Variants in TENM4 observed in about 807,000 individuals in gnomAD.
TENM4 encodes teneurin transmembrane protein 4, also known as teneurin-4.
A neutral mutation model predicts 243.3 loss-of-function variants in TENM4; 82 were observed. That is an observed-to-expected ratio of 0.34 (90% confidence interval 0.28 to 0.40). The LOEUF (loss-of-function observed/expected upper bound fraction) is 0.40, where lower values mean the gene tolerates loss of function less well. Ranked by LOEUF, TENM4 falls within the 10% of genes least tolerant of loss-of-function variation. The probability of loss-of-function intolerance (pLI) is 1.00; values close to 1 mark genes in which losing one functional copy is unlikely to be tolerated. For synonymous variants in TENM4, 1,412 were observed against 1,456.3 expected (o/e 0.97, Z 0.69); for missense variants, 3,138 against 3,673.3 (o/e 0.85, Z 3.77).
Position 78,729,511 on chromosome 11 carries a change from C to A in TENM4, c.3271G>T (p.Val1091Leu), listed in dbSNP as rs1164895199. Residue 1091 changes from valine to leucine, a missense_variant, in exon 22 of 34, where the codon GTG becomes TTG. Physicochemically the swap from Val to Leu is conservative, Grantham distance 32. Around this residue, in one of 2 missense-constraint regions of TENM4, gnomAD observed 2,467 missense variants for 3,059.1 expected, o/e 0.81. Transcript: ENST00000278550. Reference sequence around the variant, plus strand: ...CCCTCCACCGCTACCATGAGGTGCACCTTCATGAGGTTGAAGGGGATGGTC... The same window carrying A: ...CCCTCCACCGCTACCATGAGGTGCAACTTCATGAGGTTGAAGGGGATGGTC... ...HPTIPFNLMKVHLMVAVEGRL... is the reference protein window; with the variant it reads ...HPTIPFNLMKLHLMVAVEGRL... 1.2e-6 allele frequency: 2 copies of A among 1,613,896 alleles called. No individual in the cohort carries two copies. The highest frequency in any genetic ancestry group is 3.3e-5 in the Admixed American group (2 of 60,024).
At chr11:79,106,990 C>A (rs966846380) in intron 4 of TENM4, among the ~76,000 whole-genome samples, 5 of 152,168 alleles carry the variant, frequency 3.3e-5, no homozygotes, top group African/African-American at 1.2e-4. Flanking sequence ...TTACTCTGCA[C>A]CTGCCCGGAA....
At chr11:79,145,171 A>G (rs72935330) in intron 4 of TENM4, among the ~76,000 whole-genome samples, 8,394 of 152,184 alleles carry the variant, frequency 0.055, 333 homozygotes, top group Non-Finnish European at 0.078. Flanking sequence ...CTGAAGTTTC[A>G]CTTAATGATG....
intron 1 of TENM4, among the ~76,000 whole-genome samples, chr11:79,348,934 T>C (rs887448403): frequency 5.3e-5 from 8 of 152,190 alleles, no homozygotes; most frequent in African/African-American, 1.9e-4. Flanking sequence ...ACTTGCCCAA[T>C]AAATGATCGT....
intron 1 of TENM4, among the ~76,000 whole-genome samples, chr11:79,352,177 C>T (rs1010500232): frequency 6.6e-6 from 1 of 152,198 alleles, no homozygotes; most frequent in African/African-American, 2.4e-5. Flanking sequence ...GCCAATGTCT[C>T]ACCCTTTCCC....
intron 4 of TENM4, among the ~76,000 whole-genome samples, chr11:79,143,181 T>A (rs1862325848): frequency 6.6e-6 from 1 of 152,134 alleles, no homozygotes; most frequent in Non-Finnish European, 1.5e-5. Context: ...ACTGGCTATA[T>A]ACCCAAAGGA....
chr11:78,689,283 T>C (rs769721206), intron 28 of TENM4, among the ~76,000 whole-genome samples: 1 of 152,216 alleles, frequency 6.6e-6, no homozygotes, highest in Non-Finnish European at 1.5e-5. Flanking sequence ...CGCTCCTCCC[T>C]GGCAGGAGTG....
intron 6 of TENM4, among the ~76,000 whole-genome samples, chr11:78,908,484 G>A (rs956391277): frequency 5.9e-5 from 9 of 152,202 alleles, no homozygotes; most frequent in South Asian, 2.1e-4. Context: ...ACTCTTCAGC[G>A]TTTACAACAG....
chr11:79,283,878 T>G (rs1856202647), intron 2 of TENM4, among the ~76,000 whole-genome samples: 1 of 152,162 alleles, frequency 6.6e-6, no homozygotes, highest in African/African-American at 2.4e-5. Context: ...ACCAGATCAA[T>G]GTACAATCAG....
intron 3 of TENM4, among the ~76,000 whole-genome samples, chr11:79,166,491 G>A (rs1006272466): frequency 1.3e-5 from 2 of 152,212 alleles, no homozygotes; most frequent in Non-Finnish European, 2.9e-5. Context: ...AGATCTGGAA[G>A]CTTAAGAATA....
chr11:78,813,032 C>T (rs1476408857), intron 13 of TENM4, among the ~76,000 whole-genome samples: 3 of 152,140 alleles, frequency 2.0e-5, no homozygotes, highest in African/African-American at 4.8e-5. Flanking sequence ...TGGGACGAGA[C>T]GGTAATTCTT....
intron 3 of TENM4, among the ~76,000 whole-genome samples, chr11:79,171,129 T>A (rs1202052630): frequency 6.6e-6 from 1 of 152,144 alleles, no homozygotes; most frequent in Non-Finnish European, 1.5e-5. Flanking sequence ...TCTCCTATCT[T>A]ACCTGTGAGA....
intron 12 of TENM4, among the ~76,000 whole-genome samples, chr11:78,851,957 C>T (rs749240318): frequency 6.6e-6 from 1 of 152,208 alleles, no homozygotes; most frequent in Non-Finnish European, 1.5e-5. Flanking sequence ...ACAATCCCTG[C>T]CACAGTTCAC....
At chr11:78,764,516 G>GA (rs1856500140) in intron 18 of TENM4, among the ~76,000 whole-genome samples, 1 of 152,228 alleles carries the variant, frequency 6.6e-6, no homozygotes, top group Non-Finnish European at 1.5e-5. Context: ...TTGAATGAAT[G>GA]AATAAATGCA....
intron 16 of TENM4, among the ~76,000 whole-genome samples, chr11:78,783,748 T>C (rs529662077): frequency 1.3e-5 from 2 of 152,346 alleles, no homozygotes; most frequent in African/African-American, 4.8e-5. Context: ...CAAATTCCCT[T>C]TCATTCTGAA....
intron 6 of TENM4, among the ~76,000 whole-genome samples, chr11:79,001,004 CT>C (rs2136702267): frequency 6.6e-6 from 1 of 152,270 alleles, no homozygotes; most frequent in South Asian, 2.1e-4. Context: ...GCACTTCAGC[CT>C]GGGTGACAAA....
At chr11:79,162,439 T>A (rs923862032) in intron 3 of TENM4, among the ~76,000 whole-genome samples, 1 of 151,086 alleles carries the variant, frequency 6.6e-6, no homozygotes, top group Non-Finnish European at 1.5e-5. Flanking sequence ...TAACTAGTGG[T>A]CATGATGCTA....
chr11:79,231,996 C>T (rs1864381791), intron 2 of TENM4, among the ~76,000 whole-genome samples: 1 of 152,196 alleles, frequency 6.6e-6, no homozygotes, highest in African/African-American at 2.4e-5. Flanking sequence ...AGGAGAATTG[C>T]TTGAACCCAG....
At chr11:79,078,668 A>G (rs1404142112) in intron 4 of TENM4, among the ~76,000 whole-genome samples, 1 of 152,208 alleles carries the variant, frequency 6.6e-6, no homozygotes, top group African/African-American at 2.4e-5. Context: ...TTTCTCTGGC[A>G]CTGTCACTTT....
chr11:79,148,635 G>A (rs900329059), intron 4 of TENM4, 75 bp downstream of exon 4: 2 of 283,812 alleles, frequency 7.0e-6, no homozygotes, highest in African/African-American at 4.6e-5. Context: ...ATATTTAAGA[G>A]GTAGAGAAAA....
Sources: gnomAD v4.1 joint callset for allele counts (sites outside exome capture counted in the v4.1 genomes callset) on GRCh38, gnomAD v4.1.1 for gene constraint, gnomAD v4.1.1 regional missense constraint, MANE v1.5 for transcripts, NCBI Gene and HGNC (gene_info 2026-07-23, HGNC 2026-07-21) for gene names.